Variants in DYM observed in about 807,000 individuals in gnomAD.
DYM encodes the protein dymeclin, also known as dyggve-Melchior-Clausen syndrome protein.
A neutral mutation model predicts 93.1 loss-of-function variants in DYM; 78 were observed. That is an observed-to-expected ratio of 0.84 (90% CI 0.70 to 1.01). The LOEUF (loss-of-function observed/expected upper bound fraction) is 1.01. Among genes scored for constraint, DYM ranks in the 50% least tolerant of loss-of-function variants. The probability of loss-of-function intolerance (pLI) is 0.00; values close to 1 mark genes in which losing one functional copy is unlikely to be tolerated. For missense variants in DYM, 789 were observed against 845.0 expected (o/e 0.93, Z 0.82); for synonymous variants, 321 against 319.7 (o/e 1.00, Z -0.04).
Position 49,439,515 on chromosome 18 carries a change from C to A in DYM, c.-53-9068G>T, listed in dbSNP as rs529115096. ...CCTGAGAGGCATGAATCAGGCCTTA[C>A]ACTTCTTCCTTATCCCTAATCAATC... On this transcript the variant is annotated intron_variant, in intron 1 of 17. Transcript: ENST00000675505. Among the ~76,000 whole-genome samples, 3 of 152,288 alleles carry A rather than the reference C, an allele frequency of 2.0e-5. No homozygotes were observed. In the South Asian group the frequency reaches 6.2e-4, roughly 32 times the overall value.
intron 8 of DYM, among the ~76,000 whole-genome samples, chr18:49,325,306 A>G (rs937220420): frequency 7.2e-5 from 11 of 152,212 alleles, no homozygotes; most frequent in African/African-American, 2.7e-4. Flanking sequence ...GCTTCCAGCA[A>G]ATGAAATCTA....
intron 3 of DYM, among the ~76,000 whole-genome samples, chr18:49,384,322 CAAAAA>C (rs398032777): frequency 6.1e-5 from 4 of 65,828 alleles, no homozygotes; most frequent in Non-Finnish European, 8.2e-5. Flanking sequence ...ACCATGTCTC[CAAAAA>C]AAAAAAAAAA....
chr18:49,076,732 T>A lies in DYM; in HGVS notation c.2025+20670A>T, dbSNP rs9304371. ...TCAGCCCTGATCACTTTTTAACAGA[T>A]AATATATTTAGATGAAAAATCTTCT... On this transcript the variant is annotated intron_variant, in intron 17 of 17. Coordinates refer to ENST00000675505, the MANE Select transcript of DYM (RefSeq NM_001353214.3). Among the ~76,000 whole-genome samples the A allele has an allele frequency of 7.2e-5, 11 of 152,222 alleles. No individual in the cohort carries two copies. The East Asian group carries it at 1.9e-3, about 27-fold the overall frequency.
intron 17 of DYM, among the ~76,000 whole-genome samples, chr18:49,070,897 C>G (rs966070457): frequency 6.6e-6 from 1 of 152,134 alleles, no homozygotes; most frequent in African/African-American, 2.4e-5. Flanking sequence ...GATCAAGAGT[C>G]CACATGGTTC....
At chr18:49,184,785 TA>T (rs1274082192) in intron 14 of DYM, among the ~76,000 whole-genome samples, 1 of 152,204 alleles carries the variant, frequency 6.6e-6, no homozygotes, top group Non-Finnish European at 1.5e-5. Context: ...ACTTTCCATT[TA>T]ATATTTTTAG....
At chr18:49,218,219 T>C (rs955599172) in intron 13 of DYM, among the ~76,000 whole-genome samples, 7 of 152,256 alleles carry the variant, frequency 4.6e-5, no homozygotes, top group East Asian at 1.9e-4. Context: ...CCTAAATATA[T>C]ATGCACCCAA....
rs1406883977 is a variant in DYM at position 49,075,397 on chromosome 18, C to T, written c.2025+22005G>A. On this transcript the variant is annotated intron_variant, in intron 17 of 17. Coordinates refer to ENST00000675505, the MANE Select transcript of DYM (RefSeq NM_001353214.3). ...ACTGCTGTGGGATACTCCCCTACTC[C>T]CATCCCATTACTCCTTATCCCTCTC... is the stretch of plus-strand genomic sequence containing the variant. Among the ~76,000 whole-genome samples the T allele has an allele frequency of 3.3e-5, 5 of 152,158 alleles. No homozygotes were observed. In the East Asian group the frequency reaches 5.8e-4, roughly 18 times the overall value.
At chr18:49,378,435 C>T (rs899450732) in intron 5 of DYM, 132 bp downstream of exon 5, 1 of 843,236 alleles carries the variant, frequency 1.2e-6, no homozygotes, top group Non-Finnish European at 1.8e-6. Context: ...GAAAAAATGA[C>T]AGTATAAGTT....
intron 8 of DYM, 137 bp from the exon 9 acceptor site, chr18:49,286,753 T>C: frequency 9.7e-6 from 8 of 824,846 alleles, no homozygotes; most frequent in Non-Finnish European, 1.4e-5. Flanking sequence ...GTCTATACAT[T>C]TCACAAGGCC....
intron 14 of DYM, among the ~76,000 whole-genome samples, chr18:49,190,394 A>G (rs901219923): frequency 3.3e-5 from 5 of 152,342 alleles, no homozygotes; most frequent in African/African-American, 1.2e-4. Flanking sequence ...ACTGAAGGAT[A>G]TCACATGAAA....
chr18:49,201,980 TAGTC>T (rs1281676525), intron 14 of DYM, among the ~76,000 whole-genome samples: 1 of 152,214 alleles, frequency 6.6e-6, no homozygotes, highest in African/African-American at 2.4e-5. Flanking sequence ...ATTTGTTAAT[TAGTC>T]AGGACAGGAA....
intron 14 of DYM, among the ~76,000 whole-genome samples, chr18:49,204,258 T>C (rs2092351174): frequency 6.6e-6 from 1 of 152,250 alleles, no homozygotes; most frequent in Non-Finnish European, 1.5e-5. Flanking sequence ...TTTAACTCAA[T>C]GTGTGTTAGA....
At chr18:49,063,307 CTTTTTTT>C (rs200482925) in intron 17 of DYM, among the ~76,000 whole-genome samples, 2 of 135,534 alleles carry the variant, frequency 1.5e-5, no homozygotes, top group Admixed American at 7.4e-5. Flanking sequence ...GATTTCTTTT[CTTTTTTT>C]TTTTTTTTTT....
At chr18:49,123,316 G>A (rs184326856) in intron 15 of DYM, among the ~76,000 whole-genome samples, 98 of 152,180 alleles carry the variant, frequency 6.4e-4, no homozygotes, top group Non-Finnish European at 1.1e-3. Context: ...CTCATAATTG[G>A]TGCCTCGGTG....
chr18:49,192,101 T>C (rs1378202677), intron 14 of DYM, among the ~76,000 whole-genome samples: 9 of 137,676 alleles, frequency 6.5e-5, no homozygotes, highest in Non-Finnish European at 1.3e-4. Context: ...GCTAATTTTT[T>C]TTTTTTTTTT....
In DYM at chr18:49,097,504, G is replaced by C; in HGVS notation, c.1923C>G (p.Phe641Leu). 1 of 1,613,888 alleles carries C rather than the reference G, an allele frequency of 6.2e-7. No homozygotes were observed. The highest frequency in any genetic ancestry group is 8.5e-7 in the Non-Finnish European group (1 of 1,179,842). Residue 641 changes from phenylalanine (F) to leucine (L), a missense_variant, in exon 17 of 18, where the codon TTC (phenylalanine) becomes TTG (leucine). Physicochemically the swap from Phe to Leu is conservative, Grantham distance 22. Transcript: ENST00000675505. ...IMQNIDLVIS[F>L]FSSRLLQAGA... ...CAGCTTGCAGCAACCTTGAGCTAAA[G>C]AAGGAGATCACCTGTAATGTAAAGT...
At chr18:49,320,973 C>G (rs2062437990) in intron 8 of DYM, among the ~76,000 whole-genome samples, 1 of 152,142 alleles carries the variant, frequency 6.6e-6, no homozygotes, top group African/African-American at 2.4e-5. Context: ...TTTAAATTTA[C>G]TCCAAGCATC....
chr18:49,370,827 C>T (rs571182223), intron 5 of DYM, among the ~76,000 whole-genome samples: 63 of 152,176 alleles, frequency 4.1e-4, no homozygotes, highest in Non-Finnish European at 8.1e-4. Flanking sequence ...CCAATAAGCC[C>T]TCCTGTACAA....
rs559293922 is a variant in DYM, at chr18:49,435,350, T to C, written c.-53-4903A>G. On this transcript the variant is annotated intron_variant, in intron 1 of 17. Transcript: ENST00000675505. ...AAACTGTGAAGTGGTGATGTTGTTA[T>C]TGTATTATTTAAAAGCAATCTTGGA... Among the ~76,000 whole-genome samples the C allele has an allele frequency of 1.8e-4, 27 of 151,726 alleles. No homozygotes were observed. In the South Asian group the frequency reaches 5.4e-3, roughly 30 times the overall value.
Sources: gnomAD v4.1 joint callset for allele counts (sites outside exome capture counted in the v4.1 genomes callset) on GRCh38, gnomAD v4.1.1 for gene constraint, MANE v1.5 for transcripts, NCBI Gene and HGNC (gene_info 2026-07-23, HGNC 2026-07-21) for gene names.